The following KIRREL3 variants were observed in gnomAD, a reference collection of about 807,000 sequenced individuals.
KIRREL3 encodes kirre like nephrin family adhesion molecule 3.
Under a neutral mutation model 89.7 loss-of-function variants are expected in KIRREL3, and 36 were observed. The ratio of observed to expected loss-of-function variants is 0.40; its 90% CI spans 0.31 to 0.53. The LOEUF is 0.53. Among genes scored for constraint, KIRREL3 ranks in the 20% least tolerant of loss-of-function variants. KIRREL3 has a pLI of 0.49. For missense variants in KIRREL3, 864 were observed against 1,056.6 expected, an observed-to-expected ratio of 0.82 and a Z score of 2.53; for synonymous variants, 445 against 441.4, an observed-to-expected ratio of 1.01 and a Z score of -0.10.
intron 5 of KIRREL3, among the ~76,000 whole-genome samples, chr11:126,472,951 G>T (rs1956942022): frequency 6.2e-5 from 3 of 48,576 alleles, no homozygotes; most frequent in South Asian, 1.2e-3. Flanking sequence ...CCTAAGCCCA[G>T]CCCCTCCCCA....
rs570849187 is a variant in KIRREL3 at position 126,639,451 on chromosome 11, G to A, written c.56-76539C>T. On this transcript the variant is annotated intron_variant, in intron 1 of 16. Coordinates refer to ENST00000525144, the MANE Select transcript of KIRREL3 (RefSeq NM_032531.4). This position sits in a 1 kb window ranked among gnomAD's most constrained non-coding sequence, Gnocchi z 4.3. Reference sequence around the variant, plus strand: ...TTTTTAATGGAACCCAATCCCTTAAGCCTTTAAAAGTAACCTCTACTGAGC... The same window carrying A: ...TTTTTAATGGAACCCAATCCCTTAAACCTTTAAAAGTAACCTCTACTGAGC... Among the ~76,000 whole-genome samples the A allele has an allele frequency of 3.9e-5, 6 of 152,240 alleles. No individual in the cohort carries two copies. In the East Asian group the frequency reaches 9.7e-4, roughly 24 times the overall value.
chr11:126,493,142 G>A (rs1957565817), intron 4 of KIRREL3, among the ~76,000 whole-genome samples: 2 of 152,210 alleles, frequency 1.3e-5, no homozygotes, highest in Admixed American at 1.3e-4. Context: ...CTCAGGGCAG[G>A]CAGCAGCCCT....
rs1032225407 is a variant in KIRREL3, at chr11:126,782,398, C to G, written c.55+218057G>C. On this transcript the variant is annotated intron_variant, in intron 1 of 16. Coordinates refer to ENST00000525144, the MANE Select transcript of KIRREL3 (RefSeq NM_032531.4). This position sits in a 1 kb window ranked among gnomAD's most constrained non-coding sequence, Gnocchi z 4.1. ...GATATAACTAACTGATAGCAGTTCC[C>G]TTTGTGAGACTAGGTTTGGGTATTA... Among the ~76,000 whole-genome samples the G allele has an allele frequency of 6.6e-6, 1 of 152,166 alleles. No homozygotes were observed. The highest frequency in any genetic ancestry group is 1.5e-5 in the Non-Finnish European group (1 of 68,028).
intron 1 of KIRREL3, among the ~76,000 whole-genome samples, chr11:126,646,638 C>A (rs1477322858): frequency 6.6e-6 from 1 of 152,028 alleles, no homozygotes; most frequent in Non-Finnish European, 1.5e-5. Flanking sequence ...CCACACCCAG[C>A]TAACTTTTGT....
At chr11:126,450,344 T>C (rs1007926073) in intron 7 of KIRREL3, among the ~76,000 whole-genome samples, 1 of 150,828 alleles carries the variant, frequency 6.6e-6, no homozygotes, top group Non-Finnish European at 1.5e-5. Context: ...CGTGGGCATG[T>C]GTGTCCATGT....
At position 126,769,827 on chromosome 11, in the gene KIRREL3, T is replaced by A. The variant is rs767167054; in HGVS notation, c.56-206915A>T. 1.7e-4 allele frequency among the ~76,000 whole-genome samples: 26 copies of A among 152,070 alleles called. No individual in the cohort carries two copies. The highest frequency in any genetic ancestry group is 3.5e-4 in the Non-Finnish European group (24 of 68,000). ...ATATTGGCCCTGATGAGGTGTAGAA[T>A]CTTGTGCAACCTGCTCAATCTCTCT... On this transcript the variant is annotated intron_variant, in intron 1 of 16. Coordinates refer to ENST00000525144, the MANE Select transcript of KIRREL3 (RefSeq NM_032531.4). This position sits in a 1 kb window ranked among gnomAD's most constrained non-coding sequence, Gnocchi z 4.3.
intron 6 of KIRREL3, among the ~76,000 whole-genome samples, chr11:126,456,980 G>A (rs1005060685): frequency 6.6e-6 from 1 of 152,138 alleles, no homozygotes; most frequent in Admixed American, 6.5e-5. Context: ...TTCCCAGGCC[G>A]GGGCTCGCTT....
Position 126,883,549 on chromosome 11 carries a change from T to C in KIRREL3, c.55+116906A>G, listed in dbSNP as rs1452354597. ...CTCCACCTGGAAAAAATCCAAACCT[T>C]TGATGAAGTTTGGGTAAAGTCACTT... On this transcript the variant is annotated intron_variant, in intron 1 of 16. Transcript: ENST00000525144. This position sits in a 1 kb window ranked among gnomAD's most constrained non-coding sequence, Gnocchi z 4.1. Among the ~76,000 whole-genome samples, 1 of 152,008 alleles carries C rather than the reference T, an allele frequency of 6.6e-6. No homozygotes were observed. The highest frequency in any genetic ancestry group is 2.4e-5 in the African/African-American group (1 of 41,368).
intron 4 of KIRREL3, among the ~76,000 whole-genome samples, chr11:126,510,469 C>CTTCCTTCCTTCCTTCCTTCCTTCA (rs1439371645): frequency 5.2e-4 from 61 of 117,250 alleles, no homozygotes; most frequent in African/African-American, 1.6e-3. Flanking sequence ...TCCTTCCTTC[C>CTTCCTTCCTTCCTTCCTTCCTTCA]TTTTTTTTGA....
chr11:126,440,408 C>T, intron 11 of KIRREL3, 41 bp downstream of exon 11: 18 of 1,531,322 alleles, frequency 1.2e-5, no homozygotes, highest in Non-Finnish European at 1.6e-5. Context: ...GACTGTTGGG[C>T]TGCTGGCCCG....
chr11:126,876,051 G>C lies in KIRREL3; in HGVS notation c.55+124404C>G, dbSNP rs1358242516. Among the ~76,000 whole-genome samples the C allele has an allele frequency of 6.6e-6, 1 of 152,082 alleles. No homozygotes were observed. Among genetic ancestry groups the C allele is most frequent in the African/African-American group, 2.4e-5 (1 of 41,404 alleles). ...ACTGCTTGGCTTTGGTGATGGGAGG[G>C]GCACAGGAGGGGTATTGGAGGTGAC... On this transcript the variant is annotated intron_variant, in intron 1 of 16. Transcript: ENST00000525144. This position sits in a 1 kb window ranked among gnomAD's most constrained non-coding sequence, Gnocchi z 4.1.
Position 126,742,534 on chromosome 11 carries a change from A to T in KIRREL3, c.56-179622T>A, listed in dbSNP as rs1949016476. Among the ~76,000 whole-genome samples the T allele has an allele frequency of 6.6e-6, 1 of 152,210 alleles. No homozygotes were observed. Among genetic ancestry groups the T allele is most frequent in the Non-Finnish European group, 1.5e-5 (1 of 68,038 alleles). Reference sequence around the variant, plus strand: ...CAACATGGATCTCAGAACTGGAAAGAACAAGAGATTTTCCCATAAAGCTCC... The same window carrying T: ...CAACATGGATCTCAGAACTGGAAAGTACAAGAGATTTTCCCATAAAGCTCC... On this transcript the variant is annotated intron_variant, in intron 1 of 16. Transcript: ENST00000525144. This position sits in a 1 kb window ranked among gnomAD's most constrained non-coding sequence, Gnocchi z 5.3.
intron 1 of KIRREL3, among the ~76,000 whole-genome samples, chr11:126,789,219 T>C (rs1950566735): frequency 6.6e-6 from 1 of 152,082 alleles, no homozygotes; most frequent in African/African-American, 2.4e-5. Context: ...CTTCTTTCTT[T>C]CTCCTAAATT....
chr11:126,943,906 T>C lies in KIRREL3; in HGVS notation c.55+56549A>G, dbSNP rs1948537499. Among the ~76,000 whole-genome samples the C allele has an allele frequency of 6.6e-6, 1 of 152,184 alleles. No individual in the cohort carries two copies. Among genetic ancestry groups the C allele is most frequent in the African/African-American group, 2.4e-5 (1 of 41,458 alleles). On this transcript the variant is annotated intron_variant, in intron 1 of 16. Transcript: ENST00000525144. The surrounding 1 kb of genome is among the most constrained non-coding windows in gnomAD (Gnocchi z 4.2). The stretch of plus-strand genomic sequence containing the variant: ...AGGTGGAGACTTCTTAATTTAGATA[T>C]TGATGCAGTTCGGGACATACCAAAA...
rs1944216092 is a variant in KIRREL3, at chr11:126,635,222, CAG to C, written c.56-72312_56-72311del. Among the ~76,000 whole-genome samples, 1 of 152,212 alleles carries C rather than the reference CAG, an allele frequency of 6.6e-6. No individual in the cohort carries two copies. Among genetic ancestry groups the C allele is most frequent in the South Asian group, 2.1e-4 (1 of 4,830 alleles). On this transcript the variant is annotated intron_variant, in intron 1 of 16. Coordinates refer to ENST00000525144, the MANE Select transcript of KIRREL3 (RefSeq NM_032531.4). The surrounding 1 kb of genome is among the most constrained non-coding windows in gnomAD (Gnocchi z 4.0). ...CAGCAAGTGTGGGCATTGCTTACTG[CAG>C]AGAGGCTTCCCTTCTAAATCCACTC...
At chr11:126,482,137 C>A (rs1957235681) in intron 4 of KIRREL3, among the ~76,000 whole-genome samples, 1 of 152,208 alleles carries the variant, frequency 6.6e-6, no homozygotes, top group South Asian at 2.1e-4. Context: ...CTCCTGGGTT[C>A]AAGTGATTCT....
In KIRREL3 at chr11:126,685,456, G is replaced by A. The variant is rs1946630615; in HGVS notation, c.56-122544C>T. ...CTGCTAACTTCCCACCTCCACACAA[G>A]CTGATGAGACTGGCTCAGAAAAGGG... On this transcript the variant is annotated intron_variant, in intron 1 of 16. Transcript: ENST00000525144. This position sits in a 1 kb window ranked among gnomAD's most constrained non-coding sequence, Gnocchi z 5.5. Among the ~76,000 whole-genome samples, 1 of 152,148 alleles carries A rather than the reference G, an allele frequency of 6.6e-6. No individual in the cohort carries two copies. Among genetic ancestry groups the A allele is most frequent in the Admixed American group, 6.5e-5 (1 of 15,284 alleles).
chr11:126,995,582 G>T lies in KIRREL3; in HGVS notation c.55+4873C>A. The T allele has an allele frequency of 3.3e-6, 1 of 305,762 alleles. No individual in the cohort carries two copies. Among genetic ancestry groups the T allele is most frequent in the Non-Finnish European group, 6.4e-6 (1 of 156,832 alleles). The allele number at this position is 305,762 out of a possible 1,614,324, so 18.9% of individuals were successfully genotyped here. A position where few individuals can be genotyped will look rare whatever the true frequency, so the allele number is the denominator to read the frequency against. On this transcript the variant is annotated intron_variant, in intron 1 of 16. Transcript: ENST00000525144. The surrounding 1 kb of genome is among the most constrained non-coding windows in gnomAD (Gnocchi z 6.5). ...TCAAGACCATAAAACCAGTGCTTTT[G>T]GCCCTCCTCCTCACTCCTCCAGTAT...
At position 126,814,661 on chromosome 11, in the gene KIRREL3, CA is replaced by C. The variant is rs1244616241; in HGVS notation, c.55+185793del. Among the ~76,000 whole-genome samples the C allele has an allele frequency of 3.9e-5, 6 of 152,174 alleles. No homozygotes were observed. Among genetic ancestry groups the C allele is most frequent in the African/African-American group, 1.4e-4 (6 of 41,440 alleles). On this transcript the variant is annotated intron_variant, in intron 1 of 16. Transcript: ENST00000525144. The surrounding 1 kb of genome is among the most constrained non-coding windows in gnomAD (Gnocchi z 4.4). ...GAAGCCATTATCCTCAGTAAACTAA[CA>C]CAGGAACAGAAAACCAAACACTGCA...
Sources: allele counts gnomAD v4.1 joint callset (sites outside exome capture counted in the v4.1 genomes callset), GRCh38; gene constraint gnomAD v4.1.1; non-coding constraint Gnocchi (gnomAD v3.1); transcripts MANE v1.5; gene names NCBI Gene and HGNC (gene_info 2026-07-23, HGNC 2026-07-21).